The following D2HGDH variants were observed in gnomAD, a reference collection of about 807,000 sequenced individuals.
The protein encoded by D2HGDH is D-2-hydroxyglutarate dehydrogenase, also known as D-2-hydroxyglutarate dehydrogenase, mitochondrial.
D2HGDH carries 31 observed loss-of-function variants against 46.9 expected under a neutral mutation model. The observed-to-expected ratio is 0.66, with a 90% CI of 0.50 to 0.89. The LOEUF (loss-of-function observed/expected upper bound fraction) is 0.89, where lower values mean the gene tolerates loss of function less well. D2HGDH is among the 40% of genes least tolerant of loss of function. The pLI is 0.00. For missense variants in D2HGDH, 698 were observed against 720.8 expected (o/e 0.97, Z 0.36); for synonymous variants, 364 against 332.6 (o/e 1.09, Z -1.03).
chr2:241,744,479 G>A (rs1266309687), intron 5 of D2HGDH, among the ~76,000 whole-genome samples: 1 of 152,220 alleles, frequency 6.6e-6, no homozygotes, highest in Non-Finnish European at 1.5e-5. Context: ...TCCTGGGCTG[G>A]GCTCACGCCC....
At chr2:241,751,532 T>A in intron 8 of D2HGDH, 144 bp downstream of exon 8, 1 of 1,292,926 alleles carries the variant, frequency 7.7e-7, no homozygotes. Flanking sequence ...TTTGAGAGAG[T>A]AGCCTCTTTG....
At chr2:241,736,891 C>T (rs189360095) in intron 2 of D2HGDH, among the ~76,000 whole-genome samples, 5 of 151,812 alleles carry the variant, frequency 3.3e-5, no homozygotes, top group African/African-American at 1.2e-4. Context: ...GAACTCCTGA[C>T]TTCGGGTGAT....
At position 241,755,697 on chromosome 2, in the gene D2HGDH, A is replaced by G. The variant is rs747716445; in HGVS notation, c.1141-152A>G. ...ACATTCGCTGTCTGGGGTTGGAGCC[A>G]CACCTGGTCTGGGGCATTTGCTGTC... is the stretch of plus-strand genomic sequence containing the variant. On this transcript the variant is annotated intron_variant, in intron 8 of 9. Coordinates refer to ENST00000321264, the MANE Select transcript of D2HGDH (RefSeq NM_152783.5). The G allele has an allele frequency of 8.9e-6, 14 of 1,564,372 alleles. No homozygotes were observed. In the African/African-American group the frequency reaches 1.8e-4, roughly 20 times the overall value.
At chr2:241,759,007 C>T (rs1698480501) in intron 9 of D2HGDH, among the ~76,000 whole-genome samples, 2 of 152,096 alleles carry the variant, frequency 1.3e-5, no homozygotes, top group South Asian at 2.1e-4. Flanking sequence ...TTCTTAATTT[C>T]CAAACGTGGT....
chr2:241,735,635 T>G (rs761431264), intron 2 of D2HGDH, 119 bp downstream of exon 2: 1 of 1,394,578 alleles, frequency 7.2e-7, no homozygotes. Context: ...CTGGCTGCGC[T>G]GAGAGGGGCG....
chr2:241,742,441 C>T lies in D2HGDH; in HGVS notation c.357C>T (p.Cys119=), dbSNP rs1694736541. ...SEEVSHILRH[C]HERNLAVNPQ... ...CCTCCTGTCCTCATCCCAGGCACTG[C>T]CACGAGAGGAACCTGGCCGTGAACC... The change falls in exon 4 of 10, where the codon TGC becomes TGT. Residue 119 remains cysteine (C), a synonymous_variant. Transcript: ENST00000321264. The surrounding 1 kb of genome is among the most constrained non-coding windows in gnomAD (Gnocchi z 4.8). 1 of 1,611,170 alleles carries T rather than the reference C, an allele frequency of 6.2e-7. No individual in the cohort carries two copies. The highest frequency in any genetic ancestry group is 1.3e-5 in the African/African-American group (1 of 74,992).
chr2:241,749,986 CA>C (rs1167466553), intron 6 of D2HGDH, 164 bp from the exon 7 acceptor site: 1 of 991,692 alleles, frequency 1.0e-6, no homozygotes, highest in Non-Finnish European at 1.5e-6. Context: ...GTGCACCTGC[CA>C]GGCAAACCCT....
chr2:241,750,362 G>T, intron 7 of D2HGDH, 68 bp downstream of exon 7: 1 of 1,546,576 alleles, frequency 6.5e-7, no homozygotes, highest in Non-Finnish European at 8.7e-7. Flanking sequence ...CACATGGGAC[G>T]GCTCAGAGAC....
Position 241,742,589 on chromosome 2 carries a change from C to T in D2HGDH, c.490+15C>T. The T allele has an allele frequency of 6.2e-7, 1 of 1,614,016 alleles. No homozygotes were observed. The highest frequency in any genetic ancestry group is 8.5e-7 in the Non-Finnish European group (1 of 1,179,974). On this transcript the variant is annotated intron_variant, in intron 4 of 9. Transcript: ENST00000321264. The surrounding 1 kb of genome is among the most constrained non-coding windows in gnomAD (Gnocchi z 4.8). ...CAGCGTGTCTGGTAAGCCTGTGCCA[C>T]CCGTCGGGGCCCAGGAGTCCCTCCT...
In D2HGDH at chr2:241,768,090, G is replaced by C. The variant is rs140899757; in HGVS notation, c.*121G>C. 7.2e-7 allele frequency: 1 copy of C among 1,386,584 alleles called. No individual in the cohort carries two copies. Among genetic ancestry groups the C allele is most frequent in the Non-Finnish European group, 9.6e-7 (1 of 1,045,936 alleles). 85.9% of individuals were successfully genotyped at this position (1,386,584 alleles called of 1,614,324 possible). A position where few individuals can be genotyped will look rare whatever the true frequency, so the allele number is the denominator to read the frequency against. On this transcript the variant is annotated 3_prime_UTR_variant, in exon 10 of 10. Coordinates refer to ENST00000321264, the MANE Select transcript of D2HGDH (RefSeq NM_152783.5). ...GCAGGGGACCAGGCACCTGGTTGAA[G>C]GGACTGGGAGCCCGCACTGGGGAAC...
intron 6 of D2HGDH, among the ~76,000 whole-genome samples, chr2:241,747,033 T>G (rs180922280): frequency 2.0e-5 from 3 of 152,204 alleles, no homozygotes; most frequent in African/African-American, 7.2e-5. Context: ...AGTGGTGTGA[T>G]CATAGCCCCT....
At chr2:241,751,103 C>T in intron 7 of D2HGDH, 143 bp from the exon 8 acceptor site, 2 of 1,096,268 alleles carry the variant, frequency 1.8e-6, no homozygotes, top group Admixed American at 2.0e-5. Flanking sequence ...AACCAGAGAG[C>T]TGTGTGCTCC....
rs774490078 is a variant in D2HGDH at position 241,744,865 on chromosome 2, G to A, written c.841G>A (p.Val281Met). The change falls in exon 6 of 10, where the codon GTG (valine) becomes ATG (methionine). Residue 281 changes from valine to methionine, a missense_variant. By Grantham distance (21) the Val-to-Met change is conservative (BLOSUM62 1). Transcript: ENST00000321264. ...LCPPKPRAVNVAFLGCPGFAE... is the reference protein window; with the variant it reads ...LCPPKPRAVNMAFLGCPGFAE... Reference sequence around the variant, plus strand: ...TCCACCCAAGCCCAGGGCTGTGAACGTGGCTTTCCTCGGTGGGCTTCCTCG... The same window carrying A: ...TCCACCCAAGCCCAGGGCTGTGAACATGGCTTTCCTCGGTGGGCTTCCTCG... 28 of 1,613,974 alleles carry A rather than the reference G, an allele frequency of 1.7e-5. No homozygotes were observed. Among genetic ancestry groups the A allele is most frequent in the Middle Eastern group, 1.6e-4 (1 of 6,084 alleles).
chr2:241,763,096 C>A (rs925865891), intron 9 of D2HGDH, among the ~76,000 whole-genome samples: 3 of 152,208 alleles, frequency 2.0e-5, no homozygotes, highest in African/African-American at 7.2e-5. Flanking sequence ...ACATTCTCAG[C>A]CTTTGGGACC....
intron 6 of D2HGDH, among the ~76,000 whole-genome samples, chr2:241,748,271 C>T (rs942497623): frequency 2.6e-5 from 4 of 152,268 alleles, no homozygotes; most frequent in African/African-American, 9.6e-5. Flanking sequence ...CAGGCGCCCA[C>T]CATCACGCCC....
Position 241,768,156 on chromosome 2 carries a change from G to C in D2HGDH, c.*187G>C. ...CTCGGGCAGGAGCATCTGGCAGAGT[G>C]GGGGGCGTGGCAGGCACCCTCCTTT... On this transcript the variant is annotated 3_prime_UTR_variant, in exon 10 of 10. Transcript: ENST00000321264. The C allele has an allele frequency of 1.1e-6, 1 of 919,064 alleles. No individual in the cohort carries two copies. Among genetic ancestry groups the C allele is most frequent in the Admixed American group, 2.9e-5 (1 of 34,254 alleles). 56.9% of individuals were successfully genotyped at this position (919,064 alleles called of 1,614,324 possible). A position where few individuals can be genotyped will look rare whatever the true frequency, so the allele number is the denominator to read the frequency against.
intron 6 of D2HGDH, among the ~76,000 whole-genome samples, chr2:241,745,592 ATCT>A (rs751604437): frequency 6.6e-6 from 1 of 152,072 alleles, no homozygotes; most frequent in Non-Finnish European, 1.5e-5. Flanking sequence ...AGCCACTTAC[ATCT>A]TCTTGTTGTG....
chr2:241,735,321 C>T lies in D2HGDH; in HGVS notation c.97C>T (p.Arg33Cys), dbSNP rs1037862724. The T allele has an allele frequency of 3.2e-6, 5 of 1,540,398 alleles. No individual in the cohort carries two copies. Among genetic ancestry groups the T allele is most frequent in the Non-Finnish European group, 4.4e-6 (5 of 1,148,548 alleles). Residue 33 changes from arginine to cysteine, a missense_variant, in exon 2 of 10, where the codon CGC becomes TGC. Coordinates refer to ENST00000321264, the MANE Select transcript of D2HGDH (RefSeq NM_152783.5). ...SWGRPVGPLA[R>C]RGCCSAPGTP... Reference sequence around the variant, plus strand: ...GGGTCGGCCGGTTGGCCCCCTGGCCCGCAGAGGCTGCTGCTCCGCCCCGGG... The same window carrying T: ...GGGTCGGCCGGTTGGCCCCCTGGCCTGCAGAGGCTGCTGCTCCGCCCCGGG...
chr2:241,760,007 G>A (rs1260633036), intron 9 of D2HGDH, among the ~76,000 whole-genome samples: 3 of 151,730 alleles, frequency 2.0e-5, no homozygotes, highest in Admixed American at 2.0e-4. Context: ...CCACCACAGT[G>A]TGGGTGGGCC....
Sources: allele counts gnomAD v4.1 joint callset (sites outside exome capture counted in the v4.1 genomes callset), GRCh38; gene constraint gnomAD v4.1.1; non-coding constraint Gnocchi (gnomAD v3.1); transcripts MANE v1.5; gene names NCBI Gene and HGNC (gene_info 2026-07-23, HGNC 2026-07-21).